RCSD1: variants seen among roughly 807,000 people sequenced by gnomAD.
The protein encoded by RCSD1 is RCSD domain containing 1, also known as capZ-interacting protein.
A neutral mutation model predicts 42.5 loss-of-function variants in RCSD1; 26 were observed. The observed-to-expected ratio is 0.61, with a 90% CI of 0.45 to 0.85. The LOEUF (loss-of-function observed/expected upper bound fraction) is 0.85. RCSD1 is among the 40% of genes least tolerant of loss of function. The pLI is 0.00. For missense variants in RCSD1, 571 were observed against 528.3 expected (o/e 1.08, Z -0.79); for synonymous variants, 220 against 212.2 (o/e 1.04, Z -0.32).
chr1:167,677,200 G>T (rs968090190), intron 1 of RCSD1, among the ~76,000 whole-genome samples: 29 of 152,138 alleles, frequency 1.9e-4, no homozygotes, highest in Admixed American at 6.5e-5. Flanking sequence ...CCCTGAAAAA[G>T]GCTGTTCACT....
chr1:167,702,107 G>A (rs1362300557), intron 6 of RCSD1, among the ~76,000 whole-genome samples: 1 of 152,178 alleles, frequency 6.6e-6, no homozygotes. Flanking sequence ...TGAGATACTG[G>A]GAGTCAAAAG....
chr1:167,694,712 G>C (rs1437201990), intron 5 of RCSD1, among the ~76,000 whole-genome samples: 3 of 152,172 alleles, frequency 2.0e-5, no homozygotes, highest in Non-Finnish European at 2.9e-5. Flanking sequence ...ACTCCAAAAC[G>C]TCCTGTCTGG....
chr1:167,668,917 C>T (rs1292415316), intron 1 of RCSD1, among the ~76,000 whole-genome samples: 1 of 152,146 alleles, frequency 6.6e-6, no homozygotes, highest in Non-Finnish European at 1.5e-5. Flanking sequence ...TTCATAAATA[C>T]TTTCTAGAAC....
intron 1 of RCSD1, among the ~76,000 whole-genome samples, chr1:167,631,505 G>C (rs962846691): frequency 1.3e-5 from 2 of 152,078 alleles, no homozygotes; most frequent in African/African-American, 4.8e-5. Context: ...TTTCTTTTGA[G>C]ACAGGGTCTC....
At chr1:167,674,922 T>A (rs540826947) in intron 1 of RCSD1, among the ~76,000 whole-genome samples, 56 of 152,238 alleles carry the variant, frequency 3.7e-4, no homozygotes, top group African/African-American at 1.3e-3. Context: ...TAAAGACATA[T>A]CCAGCCGGGT....
chr1:167,680,548 A>C (rs549022780), intron 1 of RCSD1, among the ~76,000 whole-genome samples: 14 of 152,028 alleles, frequency 9.2e-5, no homozygotes, highest in Non-Finnish European at 2.1e-4. Flanking sequence ...TGATGTGAGC[A>C]GGGCTTACTG....
At chr1:167,631,211 G>C (rs561020348) in intron 1 of RCSD1, among the ~76,000 whole-genome samples, 23 of 152,294 alleles carry the variant, frequency 1.5e-4, no homozygotes, top group Admixed American at 1.0e-3. Flanking sequence ...GAGTGGTTGG[G>C]TGTATTCCCC....
chr1:167,677,371 G>A (rs1365363962), intron 1 of RCSD1, among the ~76,000 whole-genome samples: 1 of 152,172 alleles, frequency 6.6e-6, no homozygotes, highest in Non-Finnish European at 1.5e-5. Flanking sequence ...GAAATCTTCT[G>A]GCCCTAAGCC....
chr1:167,631,142 C>A (rs777162883), intron 1 of RCSD1, among the ~76,000 whole-genome samples: 1 of 152,256 alleles, frequency 6.6e-6, no homozygotes, highest in African/African-American at 2.4e-5. Flanking sequence ...CCCCGCACTT[C>A]TCTGCCTGCT....
chr1:167,686,393 T>C (rs1228542868), intron 3 of RCSD1, among the ~76,000 whole-genome samples: 1 of 152,202 alleles, frequency 6.6e-6, no homozygotes, highest in East Asian at 1.9e-4. Flanking sequence ...TGGGCAAGCA[T>C]CTTAATGCCT....
chr1:167,630,308 C>G lies in RCSD1; in HGVS notation c.-116C>G. 8.4e-7 allele frequency: 1 copy of G among 1,194,930 alleles called. No homozygotes were observed. 74.0% of individuals were successfully genotyped at this position (1,194,930 alleles called of 1,614,324 possible). A position where few individuals can be genotyped will look rare whatever the true frequency, so the allele number is the denominator to read the frequency against. On this transcript the variant is annotated 5_prime_UTR_variant, in exon 1 of 7. Coordinates refer to ENST00000367854, the MANE Select transcript of RCSD1 (RefSeq NM_052862.4). ...GGGCGCGCGCCACCGCCCACTCGCC[C>G]TGTGCCCGCCGCAGCCCGAAACTGG...
chr1:167,639,705 G>T (rs1048102476), intron 1 of RCSD1, among the ~76,000 whole-genome samples: 1 of 152,188 alleles, frequency 6.6e-6, no homozygotes, highest in Non-Finnish European at 1.5e-5. Context: ...TGTTGGCCAG[G>T]CTGGTCTTGA....
chr1:167,662,647 T>C (rs1215779555), intron 1 of RCSD1, among the ~76,000 whole-genome samples: 1 of 152,224 alleles, frequency 6.6e-6, no homozygotes, highest in South Asian at 2.1e-4. Context: ...TAATTTGGAA[T>C]AAAAGGACCG....
intron 3 of RCSD1, among the ~76,000 whole-genome samples, chr1:167,687,224 G>A (rs1659255645): frequency 6.6e-6 from 1 of 152,138 alleles, no homozygotes; most frequent in African/African-American, 2.4e-5. Flanking sequence ...ACTTTTCGTG[G>A]CCTTGAAATT....
intron 6 of RCSD1, among the ~76,000 whole-genome samples, chr1:167,702,453 A>C (rs191981987): frequency 1.1e-3 from 162 of 152,342 alleles, no homozygotes; most frequent in African/African-American, 3.8e-3. Flanking sequence ...GAGGGCACAG[A>C]ATCAGATACA....
At chr1:167,668,187 C>T (rs191753900) in intron 1 of RCSD1, among the ~76,000 whole-genome samples, 317 of 151,730 alleles carry the variant, frequency 2.1e-3, no homozygotes, top group Non-Finnish European at 3.9e-3. Context: ...CGGGAGGCTG[C>T]GGCAGGAGAA....
chr1:167,647,130 C>CAAAAAAA (rs5778560), intron 1 of RCSD1, among the ~76,000 whole-genome samples: 1 of 112,550 alleles, frequency 8.9e-6, no homozygotes, highest in Non-Finnish European at 1.7e-5. Flanking sequence ...AACTCCATCT[C>CAAAAAAA]AAAAAAAAAG....
At chr1:167,631,345 A>T (rs1045396129) in intron 1 of RCSD1, among the ~76,000 whole-genome samples, 2 of 152,230 alleles carry the variant, frequency 1.3e-5, no homozygotes, top group Non-Finnish European at 2.9e-5. Flanking sequence ...CAAATGTTAT[A>T]TAGTTTTAAA....
intron 1 of RCSD1, among the ~76,000 whole-genome samples, chr1:167,680,842 T>G (rs374189624): frequency 4.6e-5 from 7 of 152,216 alleles, no homozygotes; most frequent in African/African-American, 1.4e-4. Flanking sequence ...GAAAGAACAT[T>G]TAATCCAGAG....
Sources: gnomAD v4.1 joint callset for allele counts (sites outside exome capture counted in the v4.1 genomes callset) on GRCh38, gnomAD v4.1.1 for gene constraint, MANE v1.5 for transcripts, NCBI Gene and HGNC (gene_info 2026-07-23, HGNC 2026-07-21) for gene names.